SCLT1: variants seen among roughly 807,000 people sequenced by gnomAD.
The protein encoded by SCLT1 is sodium channel-associated protein 1.
A neutral mutation model predicts 112.8 loss-of-function variants in SCLT1; 78 were observed. The observed-to-expected ratio is 0.69, with a 90% CI of 0.58 to 0.83. The LOEUF is 0.83. Among genes scored for constraint, SCLT1 ranks in the 40% least tolerant of loss-of-function variants. SCLT1 has a pLI of 0.00. For missense variants in SCLT1, 747 were observed against 770.4 expected (o/e 0.97, Z 0.36); for synonymous variants, 257 against 254.7 (o/e 1.01, Z -0.09).
intron 4 of SCLT1, among the ~76,000 whole-genome samples, chr4:129,042,730 C>T (rs965995166): frequency 6.6e-5 from 10 of 152,108 alleles, no homozygotes; most frequent in South Asian, 2.1e-4. Flanking sequence ...ACTAAAGCCT[C>T]GACCTCCCAG....
intron 18 of SCLT1, among the ~76,000 whole-genome samples, chr4:128,921,646 T>C (rs1027805023): frequency 6.6e-6 from 1 of 152,164 alleles, no homozygotes. Context: ...ACAAATCTTC[T>C]TAAGGTTGAT....
chr4:129,063,656 C>T lies in SCLT1; in HGVS notation c.102+18650G>A, dbSNP rs143711393. Reference sequence around the variant, plus strand: ...GGTGGTACACCACAGGTTAGGCATCCCAAGCAGCTTATGAGTGGGTCTGCT... The same window carrying T: ...GGTGGTACACCACAGGTTAGGCATCTCAAGCAGCTTATGAGTGGGTCTGCT... On this transcript the variant is annotated intron_variant, in intron 2 of 20. Transcript: ENST00000281142. 1.6e-3 allele frequency among the ~76,000 whole-genome samples: 247 copies of T among 152,242 alleles called. 2 individuals are homozygous for T. The highest frequency in any genetic ancestry group is 0.014 in the East Asian group (70 of 5,172).
intron 18 of SCLT1, among the ~76,000 whole-genome samples, chr4:128,916,939 G>T (rs1217068884): frequency 6.6e-6 from 1 of 151,948 alleles, no homozygotes; most frequent in African/African-American, 2.4e-5. Context: ...TTCCCTTATT[G>T]GGCTGTCACA....
At chr4:128,948,444 T>C in intron 15 of SCLT1, 52 bp downstream of exon 15, 2 of 1,586,112 alleles carry the variant, frequency 1.3e-6, no homozygotes, top group Non-Finnish European at 1.7e-6. Flanking sequence ...GACAGTAATG[T>C]TGCATATTTG....
chr4:128,974,047 T>C (rs1740938260), intron 9 of SCLT1, among the ~76,000 whole-genome samples: 1 of 152,168 alleles, frequency 6.6e-6, no homozygotes, highest in South Asian at 2.1e-4. Context: ...ATCTATAAAA[T>C]GGAGATAAAA....
intron 18 of SCLT1, among the ~76,000 whole-genome samples, chr4:128,903,837 T>A (rs759085451): frequency 2.0e-5 from 3 of 152,122 alleles, no homozygotes; most frequent in Non-Finnish European, 4.4e-5. Context: ...GATTCGACTC[T>A]TTGTTATCTA....
chr4:128,904,500 A>G (rs1377550053), intron 18 of SCLT1, among the ~76,000 whole-genome samples: 1 of 152,332 alleles, frequency 6.6e-6, no homozygotes, highest in African/African-American at 2.4e-5. Flanking sequence ...CTGATATGCC[A>G]TCAGATTAGA....
intron 18 of SCLT1, among the ~76,000 whole-genome samples, chr4:128,933,421 T>C (rs1453139038): frequency 1.3e-5 from 2 of 152,130 alleles, no homozygotes; most frequent in East Asian, 1.9e-4. Flanking sequence ...CTTTTTGATA[T>C]CCAGATAGTC....
At chr4:129,044,538 C>T (rs954170618) in intron 2 of SCLT1, among the ~76,000 whole-genome samples, 1 of 151,608 alleles carries the variant, frequency 6.6e-6, no homozygotes, top group Non-Finnish European at 1.5e-5. Flanking sequence ...CTATTCACTA[C>T]TATGATAAAC....
chr4:128,995,051 T>C (rs1341879911), intron 8 of SCLT1, among the ~76,000 whole-genome samples: 5 of 152,150 alleles, frequency 3.3e-5, no homozygotes, highest in Non-Finnish European at 7.4e-5. Context: ...GATTACTTTT[T>C]TCCTGCTGTC....
At chr4:129,066,446 T>C (rs1716503134) in intron 2 of SCLT1, among the ~76,000 whole-genome samples, 1 of 152,016 alleles carries the variant, frequency 6.6e-6, no homozygotes, top group African/African-American at 2.4e-5. Flanking sequence ...TGTTTCACAA[T>C]GAACACTCTT....
At chr4:128,924,019 G>A (rs1305746109) in intron 18 of SCLT1, among the ~76,000 whole-genome samples, 1 of 151,838 alleles carries the variant, frequency 6.6e-6, no homozygotes, top group Non-Finnish European at 1.5e-5. Flanking sequence ...TCACTCTGTT[G>A]CCCAGGTTGG....
intron 9 of SCLT1, among the ~76,000 whole-genome samples, chr4:128,991,276 T>C (rs1391595627): frequency 6.6e-6 from 1 of 151,478 alleles, no homozygotes; most frequent in East Asian, 1.9e-4. Context: ...AATGCATTTA[T>C]AGTCAACGCA....
intron 19 of SCLT1, 29 bp from the exon 20 acceptor site, chr4:128,888,803 G>A (rs1432166927): frequency 7.3e-7 from 1 of 1,368,992 alleles, no homozygotes. Flanking sequence ...AAACAAGTTA[G>A]AAATCCATAT....
chr4:128,935,654 C>T (rs1737123917), intron 18 of SCLT1, among the ~76,000 whole-genome samples: 1 of 151,940 alleles, frequency 6.6e-6, no homozygotes, highest in Admixed American at 6.6e-5. Flanking sequence ...AAATATCACC[C>T]ATTATTGCTT....
chr4:129,043,446 A>G lies in SCLT1; in HGVS notation c.183T>C (p.Thr61=). 1 of 1,535,296 alleles carries G rather than the reference A, an allele frequency of 6.5e-7. No homozygotes were observed. Among genetic ancestry groups the G allele is most frequent in the Non-Finnish European group, 8.9e-7 (1 of 1,118,414 alleles). The change falls in exon 4 of 21, where the codon ACT becomes ACC. Residue 61 remains threonine, a synonymous_variant. Transcript: ENST00000281142. ...GTTCTCCTAGGTGTTTATCATACTC[A>G]GTAACAAGAGGAGCTAAAAAGCTAA... ...FDQSFLAPLV[T]EYDKHLGELN...
At chr4:128,972,389 T>C (rs56048938) in intron 9 of SCLT1, 3 of 150,192 alleles carry the variant, frequency 2.0e-5, no homozygotes, top group Non-Finnish European at 3.0e-5. Flanking sequence ...TATTAGAGTG[T>C]CCTGTAAACT....
intron 5 of SCLT1, among the ~76,000 whole-genome samples, chr4:129,029,575 C>T (rs953259732): frequency 2.6e-5 from 4 of 151,306 alleles, no homozygotes; most frequent in Non-Finnish European, 4.4e-5. Flanking sequence ...ATACCTAATG[C>T]TAAATGACGA....
At chr4:129,030,844 G>T (rs1208165369) in intron 5 of SCLT1, among the ~76,000 whole-genome samples, 1 of 151,992 alleles carries the variant, frequency 6.6e-6, no homozygotes. Flanking sequence ...ACAAGCCCAG[G>T]ACCAGACAGA....
Sources: allele counts gnomAD v4.1 joint callset (sites outside exome capture counted in the v4.1 genomes callset), GRCh38; gene constraint gnomAD v4.1.1; transcripts MANE v1.5; gene names NCBI Gene and HGNC (gene_info 2026-07-23, HGNC 2026-07-21).